VOPP1: variants seen among roughly 807,000 people sequenced by gnomAD.
VOPP1 encodes the protein VOPP1 WW domain binding protein.
In VOPP1, 8 loss-of-function variants were observed where a neutral mutation model predicts 23.5. The observed-to-expected ratio is 0.34, with a 90% CI of 0.20 to 0.61. The LOEUF (loss-of-function observed/expected upper bound fraction) is 0.61. Ranked by LOEUF, VOPP1 falls within the 20% of genes least tolerant of loss-of-function variation. The probability of loss-of-function intolerance (pLI) is 0.78; values close to 1 mark genes in which losing one functional copy is unlikely to be tolerated. For synonymous variants in VOPP1, 83 were observed against 97.3 expected, an observed-to-expected ratio of 0.85 and a Z score of 0.86; for missense variants, 174 against 238.1, an observed-to-expected ratio of 0.73 and a Z score of 1.77.
At chr7:55,534,013 T>C (rs1189925924) in intron 1 of VOPP1, among the ~76,000 whole-genome samples, 2 of 152,162 alleles carry the variant, frequency 1.3e-5, no homozygotes, top group African/African-American at 4.8e-5. Context: ...AACAACTCAT[T>C]TGTGCAAGGT....
At chr7:55,435,180 G>A (rs551944532), downstream of VOPP1, among the ~76,000 whole-genome samples, 1 of 152,298 alleles carries the variant, frequency 6.6e-6, no homozygotes, top group East Asian at 1.9e-4. Flanking sequence ...AGGAGGCATT[G>A]AGCCCACTAC....
chr7:55,525,592 C>T (rs1355131703), intron 1 of VOPP1, among the ~76,000 whole-genome samples: 1 of 151,990 alleles, frequency 6.6e-6, no homozygotes, highest in African/African-American at 2.4e-5. Flanking sequence ...CCTGATCCCA[C>T]ACCAGCTAGC....
chr7:55,525,767 C>A (rs1796147614), intron 1 of VOPP1, among the ~76,000 whole-genome samples: 1 of 132,738 alleles, frequency 7.5e-6, no homozygotes, highest in Non-Finnish European at 1.6e-5. Flanking sequence ...TCCAAAATCT[C>A]CCTAAAAGGA....
At chr7:55,557,082 A>G (rs1797835386) in intron 1 of VOPP1, among the ~76,000 whole-genome samples, 1 of 152,160 alleles carries the variant, frequency 6.6e-6, no homozygotes, top group Non-Finnish European at 1.5e-5. Flanking sequence ...ATTTCTTCGG[A>G]GTTGGTGTTT....
At chr7:55,478,758 A>G (rs76274030) in intron 4 of VOPP1, among the ~76,000 whole-genome samples, 9,640 of 152,336 alleles carry the variant, frequency 0.063, 417 homozygotes, top group Non-Finnish European at 0.092. Flanking sequence ...CATGTATCTC[A>G]CATACAGCCT....
intron 1 of VOPP1, among the ~76,000 whole-genome samples, chr7:55,564,270 TC>T (rs1562634244): frequency 4.2e-5 from 6 of 143,580 alleles, no homozygotes; most frequent in Admixed American, 1.4e-4. Flanking sequence ...TCTCTCTCGC[TC>T]GCTTGCTCTC....
chr7:55,479,970 A>G (rs559035058), intron 4 of VOPP1, among the ~76,000 whole-genome samples: 38 of 152,340 alleles, frequency 2.5e-4, no homozygotes, highest in African/African-American at 8.9e-4. Context: ...TATAACTTAC[A>G]ATGTTAATTG....
In VOPP1 at chr7:55,448,965, G is replaced by A. The variant is rs148725998; in HGVS notation, n.418-12791C>T. Reference sequence around the variant, plus strand: ...TGAGATGCGATGTAATCCTTAGCAGGGAAGAGGGGACCGTTGAAATACCAT... The same window carrying A: ...TGAGATGCGATGTAATCCTTAGCAGAGAAGAGGGGACCGTTGAAATACCAT... On this transcript the variant is annotated intron_variant and non_coding_transcript_variant, in intron 4 of 4. Transcript: ENST00000462326. 8.6e-3 allele frequency among the ~76,000 whole-genome samples: 1,316 copies of A among 152,348 alleles called. 18 individuals carry two copies. Among genetic ancestry groups the A allele is most frequent in the African/African-American group, 0.03 (1,262 of 41,580 alleles).
intron 4 of VOPP1, among the ~76,000 whole-genome samples, chr7:55,444,502 C>T (rs58505873): frequency 0.016 from 2,488 of 151,948 alleles, 77 homozygotes; most frequent in African/African-American, 0.057. Flanking sequence ...TCACCTCTAC[C>T]GCATTGTATT....
intron 1 of VOPP1, chr7:55,561,760 A>AC (rs908265463): frequency 7.0e-5 from 34 of 484,538 alleles, no homozygotes; most frequent in East Asian, 4.0e-4. Context: ...AAAAAAAAAA[A>AC]AAACAAACAA....
intron 4 of VOPP1, among the ~76,000 whole-genome samples, chr7:55,490,459 G>A (rs899287875): frequency 6.6e-6 from 1 of 152,138 alleles, no homozygotes; most frequent in Non-Finnish European, 1.5e-5. Flanking sequence ...TGCAGCTGCA[G>A]GCACAGTCTC....
intron 2 of VOPP1, among the ~76,000 whole-genome samples, chr7:55,512,859 A>G (rs953369532): frequency 1.3e-5 from 2 of 152,208 alleles, no homozygotes; most frequent in Non-Finnish European, 2.9e-5. Flanking sequence ...TGCTGGTGAG[A>G]GGTGACCTTG....
chr7:55,520,970 C>A, intron 2 of VOPP1, 102 bp downstream of exon 2: 2 of 1,271,060 alleles, frequency 1.6e-6, no homozygotes, highest in South Asian at 1.4e-5. Flanking sequence ...GAGGCTGGGC[C>A]ACGCCGGGCT....
chr7:55,521,695 G>C (rs1308339512), intron 1 of VOPP1: 31 of 987,012 alleles, frequency 3.1e-5, no homozygotes, highest in Non-Finnish European at 3.7e-5. Flanking sequence ...GGTAAGTCCA[G>C]CTCCTAACAT....
chr7:55,472,971 C>T lies in VOPP1; in HGVS notation c.403G>A (p.Ala135Thr), dbSNP rs754514898. ...PGMNPVGNSM[A>T]MAFQVPPNSP... ...TTGGGTGGGACCTGGAAAGCCATTG[C>T]CATGGAATTCCCGACAGGGTTCATC... Residue 135 changes from alanine (A) to threonine (T), a missense_variant, in exon 5 of 5, where the codon GCA becomes ACA. By Grantham distance (58) the Ala-to-Thr change is moderately conservative. Coordinates refer to ENST00000285279, the MANE Select transcript of VOPP1 (RefSeq NM_030796.5). The T allele has an allele frequency of 4.4e-6, 7 of 1,591,094 alleles. No homozygotes were observed. In the South Asian group the frequency reaches 6.9e-5, roughly 16 times the overall value.
downstream of VOPP1, among the ~76,000 whole-genome samples, chr7:55,468,303 GAA>G (rs1791686422): frequency 6.6e-6 from 1 of 150,642 alleles, no homozygotes; most frequent in Non-Finnish European, 1.5e-5. Context: ...AAAAAAGAAA[GAA>G]AGAAAGAAAA....
At chr7:55,550,025 G>C (rs1231218959) in intron 1 of VOPP1, among the ~76,000 whole-genome samples, 2 of 152,178 alleles carry the variant, frequency 1.3e-5, no homozygotes, top group Non-Finnish European at 2.9e-5. Context: ...ATGATAGCCT[G>C]AGTGCCACCA....
chr7:55,475,522 G>C (rs965549948), intron 4 of VOPP1, among the ~76,000 whole-genome samples: 4 of 152,192 alleles, frequency 2.6e-5, no homozygotes, highest in African/African-American at 9.7e-5. Context: ...AGTCACAGAT[G>C]GGAGCCAAAA....
intron 2 of VOPP1, among the ~76,000 whole-genome samples, chr7:55,516,947 T>A (rs1312451978): frequency 1.2e-3 from 119 of 99,732 alleles, no homozygotes; most frequent in Non-Finnish European, 1.6e-3. Context: ...TTTTTTTTTT[T>A]TTTTTTTTTT....
Sources: allele counts gnomAD v4.1 joint callset (sites outside exome capture counted in the v4.1 genomes callset), GRCh38; gene constraint gnomAD v4.1.1; transcripts MANE v1.5; gene names NCBI Gene and HGNC (gene_info 2026-07-23, HGNC 2026-07-21).